Variants in VPS26A observed in about 807,000 individuals in gnomAD.
VPS26A encodes the protein VPS26 retromer complex component A.
Under a neutral mutation model 42.4 loss-of-function variants are expected in VPS26A, and 22 were observed. That is an observed-to-expected ratio of 0.52 (90% confidence interval 0.37 to 0.74). The LOEUF is 0.74. Among genes scored for constraint, VPS26A ranks in the 30% least tolerant of loss-of-function variants. The pLI is 0.00. For synonymous variants in VPS26A, 110 were observed against 123.5 expected (o/e 0.89, Z 0.73); for missense variants, 276 against 379.2 (o/e 0.73, Z 2.26).
chr10:69,155,494 T>G (rs892238609), intron 2 of VPS26A, among the ~76,000 whole-genome samples: 2 of 152,148 alleles, frequency 1.3e-5, no homozygotes, highest in African/African-American at 2.4e-5. Flanking sequence ...ATTAACTGTT[T>G]GACCAGAAAA....
intron 6 of VPS26A, among the ~76,000 whole-genome samples, chr10:69,164,493 A>T (rs966621415): frequency 2.6e-5 from 4 of 152,196 alleles, no homozygotes; most frequent in African/African-American, 9.7e-5. Flanking sequence ...CTGGGTTTAC[A>T]GGTGTGAGCC....
At chr10:69,155,638 A>G (rs1302654595) in intron 2 of VPS26A, among the ~76,000 whole-genome samples, 174 bp from the exon 3 acceptor site, 3 of 152,224 alleles carry the variant, frequency 2.0e-5, no homozygotes, top group Non-Finnish European at 4.4e-5. Flanking sequence ...GTGTATAACT[A>G]AATTACACCT....
At position 69,157,033 on chromosome 10, in the gene VPS26A, C is replaced by A; in HGVS notation, c.256C>A (p.His86Asn). 6.2e-7 allele frequency: 1 copy of A among 1,611,610 alleles called. No individual in the cohort carries two copies. The highest frequency in any genetic ancestry group is 1.1e-5 in the South Asian group (1 of 90,844). Residue 86 changes from histidine (H) to asparagine (N), a missense_variant, in exon 4 of 9, where the codon CAT (histidine) becomes AAT (asparagine). By Grantham distance (68) the His-to-Asn change is moderately conservative (BLOSUM62 1). Coordinates refer to ENST00000263559, the MANE Select transcript of VPS26A (RefSeq NM_004896.5). The stretch of plus-strand genomic sequence containing the variant: ...ACTTTTCAATGACAAGAGTAATACT[C>A]ATGAATTTGTAAACCTAGTGAAAGA... ...IELFNDKSNT[H>N]EFVNLVKELA...
chr10:69,155,609 A>AAG (rs1318975489), intron 2 of VPS26A, among the ~76,000 whole-genome samples: 2 of 152,254 alleles, frequency 1.3e-5, no homozygotes, highest in African/African-American at 4.8e-5. Flanking sequence ...TGATGTAAAT[A>AAG]AGAGGTTCAC....
chr10:69,141,174 T>C (rs1045015197), intron 2 of VPS26A, among the ~76,000 whole-genome samples: 4 of 152,222 alleles, frequency 2.6e-5, no homozygotes, highest in African/African-American at 9.6e-5. Context: ...TTTAGCAATA[T>C]GTATCAAAAT....
At chr10:69,158,505 T>C (rs928113391) in intron 5 of VPS26A, among the ~76,000 whole-genome samples, 4 of 152,220 alleles carry the variant, frequency 2.6e-5, no homozygotes, top group African/African-American at 4.8e-5. Flanking sequence ...TGGCTTGATA[T>C]TACCTCATCC....
intron 5 of VPS26A, among the ~76,000 whole-genome samples, chr10:69,158,819 C>T (rs555244255): frequency 6.6e-6 from 1 of 152,188 alleles, no homozygotes; most frequent in Admixed American, 6.5e-5. Flanking sequence ...TCTCATACTC[C>T]CCATAGGTTA....
chr10:69,125,434 A>G (rs1192265889), intron 1 of VPS26A, among the ~76,000 whole-genome samples: 1 of 152,198 alleles, frequency 6.6e-6, no homozygotes, highest in African/African-American at 2.4e-5. Context: ...AGAGATAAAC[A>G]TTTATTTGTG....
intron 2 of VPS26A, among the ~76,000 whole-genome samples, chr10:69,151,127 T>C (rs1437695505): frequency 6.6e-6 from 1 of 151,688 alleles, no homozygotes; most frequent in Non-Finnish European, 1.5e-5. Context: ...TATCCGGGCA[T>C]GGTGGCGGGC....
At chr10:69,153,225 T>G (rs1841359803) in intron 2 of VPS26A, among the ~76,000 whole-genome samples, 1 of 151,882 alleles carries the variant, frequency 6.6e-6, no homozygotes, top group South Asian at 2.1e-4. Context: ...AATTTTCGTA[T>G]TTTTAGTAGA....
In VPS26A at chr10:69,171,160, T is replaced by G. The variant is rs752120668; in HGVS notation, c.875T>G (p.Ile292Arg). Residue 292 changes from isoleucine (I) to arginine (R), a missense_variant, in exon 9 of 9, where the codon ATA becomes AGA. Transcript: ENST00000263559. ...TATCTTGCATTTGTTTACTAGGAGATAATTTTATGGAGAAAAGCTCCTGAA... is the reference window on the plus strand; with the variant it reads ...TATCTTGCATTTGTTTACTAGGAGAGAATTTTATGGAGAAAAGCTCCTGAA... ...EDRRYFKQQEIILWRKAPEKL... is the reference protein window; with the variant it reads ...EDRRYFKQQERILWRKAPEKL... 1 of 1,609,136 alleles carries G rather than the reference T, an allele frequency of 6.2e-7. No homozygotes were observed. Among genetic ancestry groups the G allele is most frequent in the Non-Finnish European group, 8.5e-7 (1 of 1,178,826 alleles).
rs116140885 is a variant in VPS26A at position 69,130,052 on chromosome 10, G to A, written c.4-2846G>A. Among the ~76,000 whole-genome samples, 1,401 of 152,262 alleles carry A rather than the reference G, an allele frequency of 9.2e-3. 29 individuals are homozygous for A. Among genetic ancestry groups the A allele is most frequent in the African/African-American group, 0.032 (1,341 of 41,546 alleles). On this transcript the variant is annotated intron_variant, in intron 1 of 8. Coordinates refer to ENST00000263559, the MANE Select transcript of VPS26A (RefSeq NM_004896.5). ...GTTTAATATAAATTCCATTGATATA[G>A]TTTGCTACTATACCAATGCTAATTT...
chr10:69,134,931 TA>T (rs531176644), intron 2 of VPS26A, among the ~76,000 whole-genome samples: 256 of 145,720 alleles, frequency 1.8e-3, no homozygotes, highest in Non-Finnish European at 2.2e-3. Flanking sequence ...TGTATCTATT[TA>T]AAAAAAAAAA....
At chr10:69,139,406 C>T (rs540166273) in intron 2 of VPS26A, among the ~76,000 whole-genome samples, 20 of 152,094 alleles carry the variant, frequency 1.3e-4, no homozygotes, top group Non-Finnish European at 2.1e-4. Flanking sequence ...TAGGTTCAAG[C>T]GATTCTCCTG....
At position 69,168,685 on chromosome 10, in the gene VPS26A, C is replaced by T. The variant is rs1386953156; in HGVS notation, c.870+54C>T. 11 of 1,581,866 alleles carry T rather than the reference C, an allele frequency of 7.0e-6. No homozygotes were observed. The South Asian group carries it at 7.1e-5, about 10-fold the overall frequency. On this transcript the variant is annotated intron_variant, in intron 8 of 8. Coordinates refer to ENST00000263559, the MANE Select transcript of VPS26A (RefSeq NM_004896.5). ...TTCTGCGGCAGATCTAAAAATACCT[C>T]GAAAGCACTCTTCTAAGCTTCACTG...
At chr10:69,136,786 T>C (rs1352394511) in intron 2 of VPS26A, among the ~76,000 whole-genome samples, 1 of 151,178 alleles carries the variant, frequency 6.6e-6, no homozygotes, top group African/African-American at 2.5e-5. Context: ...TGTTTTGTTA[T>C]TTATTTATTT....
At chr10:69,158,326 C>G in intron 5 of VPS26A, 115 bp downstream of exon 5, 2 of 888,510 alleles carry the variant, frequency 2.3e-6, no homozygotes, top group Non-Finnish European at 3.2e-6. Flanking sequence ...GTTAACAAAT[C>G]AACAGGATCT....
chr10:69,125,856 G>A (rs1447100278), intron 1 of VPS26A, among the ~76,000 whole-genome samples: 1 of 152,062 alleles, frequency 6.6e-6, no homozygotes, highest in African/African-American at 2.4e-5. Flanking sequence ...TTCCTTCAGT[G>A]GGGACTAAAA....
Position 69,174,138 on chromosome 10 carries a change from G to A in VPS26A, c.*2869G>A, listed in dbSNP as rs1021775823. 6.6e-6 allele frequency among the ~76,000 whole-genome samples: 1 copy of A among 152,154 alleles called. No homozygotes were observed. Among genetic ancestry groups the A allele is most frequent in the Non-Finnish European group, 1.5e-5 (1 of 68,034 alleles). On this transcript the variant is annotated 3_prime_UTR_variant, in exon 9 of 9. Coordinates refer to ENST00000263559, the MANE Select transcript of VPS26A (RefSeq NM_004896.5). ...GAAGCTCTGTTCTTTCACTCTTCAC[G>A]ATACATCTTGCTGCTGCTCACTCTG...
Sources: gnomAD v4.1 joint callset for allele counts (sites outside exome capture counted in the v4.1 genomes callset) on GRCh38, gnomAD v4.1.1 for gene constraint, MANE v1.5 for transcripts, NCBI Gene and HGNC (gene_info 2026-07-23, HGNC 2026-07-21) for gene names.